NOTCH4: variants seen among roughly 807,000 people sequenced by gnomAD.
NOTCH4 encodes the protein notch receptor 4.
In NOTCH4, 138 loss-of-function variants were observed where a neutral mutation model predicts 189.0. The ratio of observed to expected loss-of-function variants is 0.73; its 90% CI spans 0.64 to 0.84. NOTCH4 has a LOEUF of 0.84. Among genes scored for constraint, NOTCH4 ranks in the 40% least tolerant of loss-of-function variants. NOTCH4 has a pLI of 0.00. For missense variants in NOTCH4, 2,286 were observed against 2,605.4 expected, an observed-to-expected ratio of 0.88 and a Z score of 2.67; for synonymous variants, 942 against 1,032.8, an observed-to-expected ratio of 0.91 and a Z score of 1.69.
chr6:32,220,572 G>A lies in NOTCH4; in HGVS notation c.992C>T (p.Thr331Ile), dbSNP rs1789692468. The stretch of plus-strand genomic sequence containing the variant: ...AAAGCTACCAGCAGAGTTCTGGCAG[G>A]TGCCCCCGTTTCTGCAGTGAGGGGG... The part of the protein sequence containing the change: ...QGPPHCRNGG[T>I]CQNSAGSFHC... Residue 331 changes from threonine (T) to isoleucine (I), a missense_variant, in exon 6 of 30, where the codon ACC becomes ATC. This residue lies in a region of NOTCH4 where 1,903 missense variants were observed against 2,261.9 expected (regional missense o/e 0.84). Transcript: ENST00000375023. 3 of 1,613,950 alleles carry A rather than the reference G, an allele frequency of 1.9e-6. No homozygotes were observed. Among genetic ancestry groups the A allele is most frequent in the East Asian group, 2.2e-5 (1 of 44,882 alleles).
At chr6:32,216,483 G>T (rs542526711) in intron 11 of NOTCH4, 1 of 205,832 alleles carries the variant, frequency 4.9e-6, no homozygotes, top group Admixed American at 5.3e-5. Flanking sequence ...TTTAGTCTGG[G>T]TTGGCTGGTC....
At chr6:32,203,544 C>T in intron 20 of NOTCH4, 2 of 536,066 alleles carry the variant, frequency 3.7e-6, no homozygotes, top group Non-Finnish European at 6.5e-6. Flanking sequence ...CTGACCTTCC[C>T]TTAGGCAACG....
chr6:32,223,040 G>T lies in NOTCH4; in HGVS notation c.120C>A (p.Thr40=). Residue 40 remains threonine (T), a synonymous_variant, in exon 2 of 30, where the codon ACC becomes ACA. Transcript: ENST00000375023. Reference sequence around the variant, plus strand: ...CTTGTCCCAGAGACAGGCTCAGGCAGGTGCCTCCATTGGCACAGGGTTCTG... The same window carrying T: ...CTTGTCCCAGAGACAGGCTCAGGCATGTGCCTCCATTGGCACAGGGTTCTG... ...SFPEPCANGG[T]CLSLSLGQGT... is the part of the protein sequence containing the mutation. The T allele has an allele frequency of 6.2e-7, 1 of 1,613,850 alleles. No individual in the cohort carries two copies. The highest frequency in any genetic ancestry group is 8.5e-7 in the Non-Finnish European group (1 of 1,179,928).
At chr6:32,205,441 A>C (rs1448422335) in intron 18 of NOTCH4, among the ~76,000 whole-genome samples, 4 of 146,668 alleles carry the variant, frequency 2.7e-5, no homozygotes, top group African/African-American at 1.0e-4. Flanking sequence ...CCAGCTACTC[A>C]GGAGGCTGAG....
intron 14 of NOTCH4, 53 bp from the exon 15 acceptor site, chr6:32,213,305 T>C: frequency 7.9e-7 from 1 of 1,265,770 alleles, no homozygotes; most frequent in Non-Finnish European, 1.2e-6. Flanking sequence ...ACCTGGCCTG[T>C]GACCTCAGTC....
Position 32,195,634 on chromosome 6 carries a change from C to T in NOTCH4, c.5815G>A (p.Gly1939Arg), listed in dbSNP as rs1396733111. 2.5e-6 allele frequency: 4 copies of T among 1,612,816 alleles called. No individual in the cohort carries two copies. In the African/African-American group the frequency reaches 4.0e-5, roughly 16 times the overall value. ...TCCGTTGAGACCCTGCCTCCGCGCCCGGCAGCCACTCCGTATCTTCCTCGC... is the reference window on the plus strand; with the variant it reads ...TCCGTTGAGACCCTGCCTCCGCGCCTGGCAGCCACTCCGTATCTTCCTCGC... ...IMRGRYGVAA[G>R]RGGRVSTDDW... The change falls in exon 30 of 30, where the codon GGG becomes AGG. Residue 1939 changes from glycine (G) to arginine (R), a missense_variant. Gly to Arg is a moderately radical substitution (Grantham distance 125). Around this residue, in one of 2 missense-constraint regions of NOTCH4, gnomAD observed 383 missense variants for 343.5 expected, o/e 1.11. Transcript: ENST00000375023. The surrounding 1 kb of genome is among the most constrained non-coding windows in gnomAD (Gnocchi z 5.4).
chr6:32,199,268 AT>A lies in NOTCH4; in HGVS notation c.4316-124del. 2 of 699,476 alleles carry A rather than the reference AT, an allele frequency of 2.9e-6. No homozygotes were observed. The highest frequency in any genetic ancestry group is 4.7e-6 in the Non-Finnish European group (2 of 429,068). 43.3% of individuals were successfully genotyped at this position (699,476 alleles called of 1,614,324 possible). ...CGGTTTCCTTATCTGCAAAATGGGG[AT>A]GATAATATAGATTGAGGTTGGGCAC... On this transcript the variant is annotated intron_variant, in intron 23 of 29. Transcript: ENST00000375023. This position sits in a 1 kb window ranked among gnomAD's most constrained non-coding sequence, Gnocchi z 4.9.
intron 14 of NOTCH4, 21 bp from the exon 15 acceptor site, chr6:32,213,273 G>A (rs1303832167): frequency 3.2e-6 from 5 of 1,571,800 alleles, no homozygotes; most frequent in African/African-American, 1.3e-5. Context: ...GAGGCTGTGA[G>A]GGTTTGGGTT....
chr6:32,220,679 G>A (rs1789704287), intron 5 of NOTCH4, 38 bp from the exon 6 acceptor site: 4 of 1,611,774 alleles, frequency 2.5e-6, no homozygotes, highest in South Asian at 2.2e-5. Context: ...GCTAAGGCTG[G>A]GAGCCCTATG....
In NOTCH4 at chr6:32,199,008, G is replaced by A; in HGVS notation, c.4453C>T (p.Pro1485Ser). 6.2e-7 allele frequency: 1 copy of A among 1,612,332 alleles called. No individual in the cohort carries two copies. The highest frequency in any genetic ancestry group is 8.5e-7 in the Non-Finnish European group (1 of 1,179,638). Residue 1485 changes from proline to serine, a missense_variant, in exon 24 of 30, where the codon CCT becomes TCT. Pro to Ser is a moderately conservative substitution (Grantham distance 74, BLOSUM62 -1). Coordinates refer to ENST00000375023, the MANE Select transcript of NOTCH4 (RefSeq NM_004557.4). This position sits in a 1 kb window ranked among gnomAD's most constrained non-coding sequence, Gnocchi z 4.9. ...RREHGALWLP[P>S]GFTRRPRTQS... The stretch of plus-strand genomic sequence containing the variant: ...GTCCGAGGCCGTCGAGTGAAACCAG[G>A]GGGCAGCCAGAGAGCTCCATGCTCT...
intron 11 of NOTCH4, chr6:32,216,227 C>G (rs1219027427): frequency 1.3e-5 from 2 of 152,672 alleles, no homozygotes; most frequent in East Asian, 3.9e-4. Flanking sequence ...GGGGTTTCAC[C>G]GTGTTAGCCA....
chr6:32,216,112 C>T (rs187808804), intron 11 of NOTCH4: 18 of 151,110 alleles, frequency 1.2e-4, no homozygotes, highest in African/African-American at 4.1e-4. Context: ...CTGCAAGCTC[C>T]GCCTCCCGGG....
At position 32,220,648 on chromosome 6, in the gene NOTCH4, G is replaced by A. The variant is rs757146924; in HGVS notation, c.923-7C>T. ...TCTTCGGAGCAGTCCCAGCCTGCAG[G>A]GGGTTGGGGAGGGGACGAGGGCTAA... is the stretch of plus-strand genomic sequence containing the variant. On this transcript the variant is annotated splice_region_variant and splice_polypyrimidine_tract_variant and intron_variant, in intron 5 of 29. Transcript: ENST00000375023. 2 of 1,613,170 alleles carry A rather than the reference G, an allele frequency of 1.2e-6. No individual in the cohort carries two copies. Among genetic ancestry groups the A allele is most frequent in the Non-Finnish European group, 1.7e-6 (2 of 1,179,178 alleles).
intron 26 of NOTCH4, among the ~76,000 whole-genome samples, chr6:32,197,819 CTTTT>C (rs9281668): frequency 3.0e-5 from 4 of 132,980 alleles, no homozygotes; most frequent in African/African-American, 8.3e-5. Flanking sequence ...GTGGTTTTCT[CTTTT>C]TTTTTTTTTT....
Position 32,195,658 on chromosome 6 carries a change from G to C in NOTCH4, c.5791C>G (p.Arg1931Gly), listed in dbSNP as rs758742555. The C allele has an allele frequency of 3.1e-6, 5 of 1,612,808 alleles. No individual in the cohort carries two copies. The highest frequency in any genetic ancestry group is 8.5e-7 in the Non-Finnish European group (1 of 1,179,968). The change falls in exon 30 of 30, where the codon CGA (arginine) becomes GGA (glycine). Residue 1931 changes from arginine to glycine, a missense_variant. This residue lies in a region of NOTCH4 where 383 missense variants were observed against 343.5 expected (regional missense o/e 1.11). Coordinates refer to ENST00000375023, the MANE Select transcript of NOTCH4 (RefSeq NM_004557.4). This position sits in a 1 kb window ranked among gnomAD's most constrained non-coding sequence, Gnocchi z 5.4. Reference sequence around the variant, plus strand: ...CCGGCAGCCACTCCGTATCTTCCTCGCATTATCGCAGGGTTGGGCCGAGGC... The same window carrying C: ...CCGGCAGCCACTCCGTATCTTCCTCCCATTATCGCAGGGTTGGGCCGAGGC... ...RGPRPNPAIM[R>G]GRYGVAAGRG... is the part of the protein sequence containing the mutation.
chr6:32,222,208 CCCT>C (rs1481845740), intron 3 of NOTCH4, among the ~76,000 whole-genome samples: 1 of 140,112 alleles, frequency 7.1e-6, no homozygotes, highest in Non-Finnish European at 1.6e-5. Context: ...AGAGCAATGA[CCCT>C]CTTCTAGCTG....
At chr6:32,223,817 G>A (rs1301836081) in intron 1 of NOTCH4, 39 bp downstream of exon 1, 1 of 1,590,324 alleles carries the variant, frequency 6.3e-7, no homozygotes, top group East Asian at 2.3e-5. Context: ...TCCTCCTAAG[G>A]GAGCTGGGTC....
chr6:32,196,284 C>G lies in NOTCH4; in HGVS notation c.5298+40G>C, dbSNP rs755842669. ...GTTACCGCACTTTCCATCTCTCGTG[C>G]GCCTGACTGTTTTGTGGGAAGCCCT... is the stretch of plus-strand genomic sequence containing the variant. On this transcript the variant is annotated intron_variant, in intron 29 of 29. Coordinates refer to ENST00000375023, the MANE Select transcript of NOTCH4 (RefSeq NM_004557.4). 8 of 1,612,974 alleles carry G rather than the reference C, an allele frequency of 5.0e-6. No homozygotes were observed. The African/African-American group carries it at 8.0e-5, about 16-fold the overall frequency.
intron 8 of NOTCH4, among the ~76,000 whole-genome samples, chr6:32,219,135 CTTG>C (rs1002177101): frequency 2.0e-5 from 3 of 152,084 alleles, no homozygotes; most frequent in African/African-American, 7.2e-5. Context: ...CAATTTTTTT[CTTG>C]TTGTACCAAA....
Sources: allele counts gnomAD v4.1 joint callset (sites outside exome capture counted in the v4.1 genomes callset), GRCh38; gene constraint gnomAD v4.1.1; regional missense constraint gnomAD v4.1.1; non-coding constraint Gnocchi (gnomAD v3.1); transcripts MANE v1.5; gene names NCBI Gene and HGNC (gene_info 2026-07-23, HGNC 2026-07-21).